EDNRB: variants seen among roughly 807,000 people sequenced by gnomAD.
EDNRB encodes the protein endothelin receptor type B.
In EDNRB, 18 loss-of-function variants were observed where a neutral mutation model predicts 46.4. The observed-to-expected ratio is 0.39, with a 90% CI of 0.27 to 0.57. The LOEUF (loss-of-function observed/expected upper bound fraction) is 0.57, where lower values mean the gene tolerates loss of function less well. Ranked by LOEUF, EDNRB falls within the 20% of genes least tolerant of loss-of-function variation. The pLI, the probability that EDNRB is intolerant of heterozygous loss-of-function variation, is 0.61. For synonymous variants in EDNRB, 213 were observed against 204.9 expected, an observed-to-expected ratio of 1.04 and a Z score of -0.34; for missense variants, 434 against 537.5, an observed-to-expected ratio of 0.81 and a Z score of 1.90.
At chr13:77,972,634 C>A (rs1383010160) in intron 1 of EDNRB, among the ~76,000 whole-genome samples, 1 of 152,132 alleles carries the variant, frequency 6.6e-6, no homozygotes, top group Admixed American at 6.5e-5. Context: ...GATAGAAGTA[C>A]TTTTCTGAAG....
intron 1 of EDNRB, among the ~76,000 whole-genome samples, chr13:77,969,074 A>G (rs1350342280): frequency 1.3e-5 from 2 of 152,218 alleles, no homozygotes; most frequent in African/African-American, 2.4e-5. Flanking sequence ...GCTTCTTAAA[A>G]AGCACTGAGT....
intron 1 of EDNRB, among the ~76,000 whole-genome samples, chr13:77,954,480 ATT>A (rs1881177347): frequency 2.9e-5 from 1 of 34,516 alleles, no homozygotes; most frequent in Non-Finnish European, 5.1e-5. Context: ...TTAAGAAAGT[ATT>A]TATTTATTTA....
chr13:77,967,122 T>C (rs894006282), intron 1 of EDNRB, among the ~76,000 whole-genome samples: 2 of 152,196 alleles, frequency 1.3e-5, no homozygotes, highest in Non-Finnish European at 2.9e-5. Context: ...TGAATAATAA[T>C]ATTTCTTTTT....
chr13:77,902,755 G>A (rs955503570), intron 3 of EDNRB, among the ~76,000 whole-genome samples: 6 of 152,006 alleles, frequency 3.9e-5, no homozygotes, highest in Admixed American at 3.3e-4. Flanking sequence ...TGTCTGGTGT[G>A]CTCTCGCCAT....
chr13:77,937,002 T>G (rs1044021304), intron 1 of EDNRB, among the ~76,000 whole-genome samples: 17 of 152,214 alleles, frequency 1.1e-4, no homozygotes, highest in African/African-American at 4.1e-4. Context: ...TTGTGGGGTT[T>G]GAGGGCCAGA....
intron 2 of EDNRB, 42 bp downstream of exon 2, chr13:77,903,452 AG>A (rs1376655931): frequency 1.2e-6 from 2 of 1,609,080 alleles, no homozygotes; most frequent in East Asian, 4.5e-5. Flanking sequence ...GGAAAACAAT[AG>A]TATATATTCA....
At chr13:77,947,483 T>G (rs571755658) in intron 1 of EDNRB, 1 of 152,074 alleles carries the variant, frequency 6.6e-6, no homozygotes, top group Admixed American at 6.5e-5. Context: ...CTCTGAAACT[T>G]TGTCTTTTTA....
At chr13:77,898,443 C>T (rs748921386) in intron 6 of EDNRB, 109 bp from the exon 7 acceptor site, 24 of 1,498,058 alleles carry the variant, frequency 1.6e-5, no homozygotes, top group Non-Finnish European at 2.2e-5. Flanking sequence ...TTCTTGGGCC[C>T]TTTCTTTCAG....
At chr13:77,955,913 T>C (rs945084355) in intron 1 of EDNRB, among the ~76,000 whole-genome samples, 1 of 151,020 alleles carries the variant, frequency 6.6e-6, no homozygotes, top group African/African-American at 2.5e-5. Context: ...GCCAGTACCA[T>C]ACTGTTTTAA....
intron 1 of EDNRB, among the ~76,000 whole-genome samples, chr13:77,959,407 C>G (rs988636354): frequency 6.6e-6 from 1 of 152,180 alleles, no homozygotes; most frequent in Non-Finnish European, 1.5e-5. Flanking sequence ...CTGCAGCCAC[C>G]ACTGCTGATA....
intron 1 of EDNRB, among the ~76,000 whole-genome samples, chr13:77,966,555 G>T (rs1881587784): frequency 1.3e-5 from 2 of 152,238 alleles, no homozygotes; most frequent in South Asian, 4.1e-4. Context: ...TTCTCAAAAT[G>T]ATGTTCAGAA....
upstream of EDNRB, chr13:77,919,490 G>C (rs770708408): frequency 6.2e-7 from 1 of 1,612,846 alleles, no homozygotes; most frequent in Admixed American, 1.7e-5. Flanking sequence ...CTCTGGGAGA[G>C]GAGCACGCCT....
chr13:77,962,800 G>A (rs1158123876), intron 1 of EDNRB, among the ~76,000 whole-genome samples: 1 of 152,048 alleles, frequency 6.6e-6, no homozygotes, highest in African/African-American at 2.4e-5. Context: ...AGAAATAAAG[G>A]GTATTCAATT....
Position 77,961,269 on chromosome 13 carries a change from C to T in EDNRB, c.-52+14078G>A, listed in dbSNP as rs529496813. On this transcript the variant is annotated intron_variant, in intron 1 of 7. Transcript: ENST00000646948. ...TTCTCAGCACCACGTCGCACTTATTCCAAACTTATTAGGTCTGCACCAAGC... is the reference window on the plus strand; with the variant it reads ...TTCTCAGCACCACGTCGCACTTATTTCAAACTTATTAGGTCTGCACCAAGC... Among the ~76,000 whole-genome samples the T allele has an allele frequency of 1.9e-4, 28 of 151,196 alleles. No homozygotes were observed. In the South Asian group the frequency reaches 5.5e-3, roughly 30 times the overall value.
intron 1 of EDNRB, among the ~76,000 whole-genome samples, chr13:77,957,847 A>G (rs1227028945): frequency 6.6e-6 from 1 of 152,220 alleles, no homozygotes; most frequent in Non-Finnish European, 1.5e-5. Flanking sequence ...CATAGTGATT[A>G]GGAATATCTA....
intron 1 of EDNRB, among the ~76,000 whole-genome samples, chr13:77,957,425 C>G (rs915994259): frequency 6.6e-6 from 1 of 152,106 alleles, no homozygotes. Context: ...ATTTTGACTA[C>G]TTTTATGTTA....
chr13:77,897,215 G>A lies in EDNRB; in HGVS notation c.*985C>T. ...CTCCATCGTAAAGCTATGAGCACAG[G>A]GCCTGCCCTCATTTAATCATCTACA... On this transcript the variant is annotated 3_prime_UTR_variant, in exon 7 of 7. Transcript: ENST00000646607. 1.0e-6 allele frequency: 1 copy of A among 985,118 alleles called. No individual in the cohort carries two copies. Among genetic ancestry groups the A allele is most frequent in the South Asian group, 4.7e-5 (1 of 21,272 alleles). The allele number at this position is 985,118 out of a possible 1,614,324, so 61.0% of individuals were successfully genotyped here. A position where few individuals can be genotyped will look rare whatever the true frequency, so the allele number is the denominator to read the frequency against.
chr13:77,932,726 A>G (rs2137655700), intron 1 of EDNRB, among the ~76,000 whole-genome samples: 1 of 152,344 alleles, frequency 6.6e-6, no homozygotes, highest in African/African-American at 2.4e-5. Context: ...GACTATAAAT[A>G]ATCAAGACCA....
intron 1 of EDNRB, among the ~76,000 whole-genome samples, chr13:77,957,011 A>G (rs149524954): frequency 0.015 from 2,236 of 152,318 alleles, 46 homozygotes; most frequent in East Asian, 0.024. Context: ...GGCATTTTGG[A>G]GGAGCCCATT....
Sources: gnomAD v4.1 joint callset for allele counts (sites outside exome capture counted in the v4.1 genomes callset) on GRCh38, gnomAD v4.1.1 for gene constraint, MANE v1.5 for transcripts, NCBI Gene and HGNC (gene_info 2026-07-23, HGNC 2026-07-21) for gene names.